Variants in RNF150 observed in about 807,000 individuals in gnomAD.
RNF150 encodes ring finger protein 150.
Under a neutral mutation model 39.3 loss-of-function variants are expected in RNF150, and 24 were observed. The observed-to-expected ratio is 0.61, with a 90% CI of 0.44 to 0.86. The LOEUF (loss-of-function observed/expected upper bound fraction) is 0.86, where lower values mean the gene tolerates loss of function less well. RNF150 is among the 40% of genes least tolerant of loss of function. The pLI is 0.00. For missense variants in RNF150, 502 were observed against 587.8 expected, an observed-to-expected ratio of 0.85 and a Z score of 1.51; for synonymous variants, 255 against 227.3, an observed-to-expected ratio of 1.12 and a Z score of -1.10.
chr4:141,055,262 G>A (rs138622620), intron 1 of RNF150, among the ~76,000 whole-genome samples: 1 of 152,130 alleles, frequency 6.6e-6, no homozygotes. Flanking sequence ...GCTTAATCCA[G>A]AGTATGGCTG....
chr4:141,149,616 C>A (rs548124182), intron 1 of RNF150, among the ~76,000 whole-genome samples: 1 of 152,142 alleles, frequency 6.6e-6, no homozygotes, highest in Non-Finnish European at 1.5e-5. Context: ...TATATACCAC[C>A]CTATCTTTAT....
intron 5 of RNF150, among the ~76,000 whole-genome samples, chr4:140,923,937 C>G (rs1449788738): frequency 2.0e-5 from 3 of 149,820 alleles, no homozygotes; most frequent in East Asian, 3.9e-4. Context: ...CACATGGACA[C>G]AGGAAGGGGA....
At chr4:141,010,807 G>C (rs775465934) in intron 1 of RNF150, among the ~76,000 whole-genome samples, 7 of 152,006 alleles carry the variant, frequency 4.6e-5, no homozygotes, top group Non-Finnish European at 1.0e-4. Context: ...AGGCTGCCTG[G>C]GCCCTGACAT....
At chr4:141,060,168 C>G (rs1299482155) in intron 1 of RNF150, among the ~76,000 whole-genome samples, 1 of 152,152 alleles carries the variant, frequency 6.6e-6, no homozygotes, top group South Asian at 2.1e-4. Flanking sequence ...TGTTCAGACA[C>G]AGTGGCTCAC....
intron 1 of RNF150, among the ~76,000 whole-genome samples, chr4:141,164,019 C>T (rs776010341): frequency 2.6e-5 from 4 of 151,578 alleles, no homozygotes; most frequent in Non-Finnish European, 5.9e-5. Context: ...GCTAAAAGAA[C>T]ATCTTCTAAT....
At chr4:141,103,949 T>C (rs1739107036) in intron 1 of RNF150, among the ~76,000 whole-genome samples, 1 of 152,198 alleles carries the variant, frequency 6.6e-6, no homozygotes, top group Non-Finnish European at 1.5e-5. Context: ...GACAGTAATA[T>C]TGCAGGAGAA....
At chr4:140,936,213 T>C (rs1209203107) in intron 4 of RNF150, among the ~76,000 whole-genome samples, 5 of 152,228 alleles carry the variant, frequency 3.3e-5, no homozygotes, top group Admixed American at 2.0e-4. Flanking sequence ...CCTCATTTTT[T>C]GGCTATTATG....
intron 1 of RNF150, among the ~76,000 whole-genome samples, chr4:140,969,756 C>CTTTTTTTTTTTTTTTTT (rs70946718): frequency 1.3e-5 from 1 of 75,986 alleles, no homozygotes; most frequent in Non-Finnish European, 2.3e-5. Flanking sequence ...ACAAGTTTTA[C>CTTTTTTTTTTTTTTTTT]TTTTTTTTTT....
At chr4:140,986,695 T>C (rs886957341) in intron 1 of RNF150, among the ~76,000 whole-genome samples, 3 of 152,082 alleles carry the variant, frequency 2.0e-5, no homozygotes, top group African/African-American at 4.8e-5. Flanking sequence ...ACTGGATGAA[T>C]AGGCACATCA....
intron 2 of RNF150, among the ~76,000 whole-genome samples, chr4:140,952,323 A>G (rs1560983696): frequency 1.3e-5 from 2 of 152,142 alleles, no homozygotes; most frequent in Non-Finnish European, 2.9e-5. Context: ...GGGAGCCAAC[A>G]TTTTTAAAAA....
intron 1 of RNF150, among the ~76,000 whole-genome samples, chr4:141,122,099 G>A (rs767818676): frequency 3.9e-5 from 6 of 152,150 alleles, no homozygotes; most frequent in Non-Finnish European, 7.4e-5. Flanking sequence ...ATTTTCAAAT[G>A]AAAGAAAATG....
At chr4:141,197,701 AC>A (rs1372269533) in intron 1 of RNF150, among the ~76,000 whole-genome samples, 1 of 151,952 alleles carries the variant, frequency 6.6e-6, no homozygotes, top group African/African-American at 2.4e-5. Flanking sequence ...ACATGGTGAA[AC>A]CCCATCTCTA....
At chr4:141,082,743 T>C (rs886239043) in intron 1 of RNF150, among the ~76,000 whole-genome samples, 20 of 151,724 alleles carry the variant, frequency 1.3e-4, no homozygotes, top group Middle Eastern at 3.2e-3. Context: ...CGCCCGCCAC[T>C]ACGCCCGGCT....
chr4:141,120,066 C>T (rs1044535377), intron 1 of RNF150, among the ~76,000 whole-genome samples: 14 of 152,172 alleles, frequency 9.2e-5, no homozygotes, highest in Non-Finnish European at 1.5e-5. Flanking sequence ...AATAGCTATG[C>T]AATGGATGCC....
chr4:141,021,722 C>T (rs1033854372), intron 1 of RNF150, among the ~76,000 whole-genome samples: 12 of 152,156 alleles, frequency 7.9e-5, no homozygotes, highest in African/African-American at 2.9e-4. Flanking sequence ...GGTCTGTATG[C>T]CTGTCTCCCC....
At chr4:141,093,442 C>CA (rs1328244944) in intron 1 of RNF150, among the ~76,000 whole-genome samples, 10 of 150,786 alleles carry the variant, frequency 6.6e-5, no homozygotes, top group Admixed American at 6.6e-5. Context: ...AATAGAAAAA[C>CA]AAAAAAACAA....
intron 6 of RNF150, among the ~76,000 whole-genome samples, chr4:140,879,831 A>C (rs1387709765): frequency 6.6e-6 from 1 of 152,214 alleles, no homozygotes; most frequent in Non-Finnish European, 1.5e-5. Context: ...AAAGAAAAAA[A>C]AAATTTGCAC....
At chr4:141,175,421 TGAC>T (rs1727792479) in intron 1 of RNF150, among the ~76,000 whole-genome samples, 2 of 152,216 alleles carry the variant, frequency 1.3e-5, no homozygotes, top group Admixed American at 1.3e-4. Flanking sequence ...ACAATTTTAA[TGAC>T]AAGATAATTT....
intron 2 of RNF150, among the ~76,000 whole-genome samples, chr4:140,965,987 C>A (rs1277042856): frequency 2.6e-5 from 4 of 151,936 alleles, no homozygotes; most frequent in African/African-American, 9.7e-5. Flanking sequence ...TGTATGACTC[C>A]CCAAACACCA....
Sources: gnomAD v4.1 joint callset for allele counts (sites outside exome capture counted in the v4.1 genomes callset) on GRCh38, gnomAD v4.1.1 for gene constraint, MANE v1.5 for transcripts, NCBI Gene and HGNC (gene_info 2026-07-23, HGNC 2026-07-21) for gene names.